The following COL24A1 variants were observed in gnomAD, a reference collection of about 807,000 sequenced individuals.
COL24A1 encodes the protein collagen type XXIV alpha 1 chain.
A neutral mutation model predicts 253.9 loss-of-function variants in COL24A1; 224 were observed. The ratio of observed to expected loss-of-function variants is 0.88; its 90% CI spans 0.79 to 0.99. The LOEUF (loss-of-function observed/expected upper bound fraction) is 0.99. Ranked by LOEUF, COL24A1 falls within the 50% of genes least tolerant of loss-of-function variation. The probability of loss-of-function intolerance (pLI) is 0.00; values close to 1 mark genes in which losing one functional copy is unlikely to be tolerated. For missense variants in COL24A1, 2,131 were observed against 2,068.5 expected (o/e 1.03, Z -0.59); for synonymous variants, 685 against 673.7 (o/e 1.02, Z -0.26).
intron 47 of COL24A1, among the ~76,000 whole-genome samples, chr1:85,804,468 C>T (rs190020075): frequency 1.1e-3 from 160 of 152,200 alleles, no homozygotes; most frequent in Admixed American, 2.3e-3. Flanking sequence ...TGCATTAGTC[C>T]ATTTTCACGC....
chr1:85,949,989 G>C lies in COL24A1; in HGVS notation c.2562+11260C>G, dbSNP rs773048731. On this transcript the variant is annotated intron_variant, in intron 24 of 59. Transcript: ENST00000370571. The stretch of plus-strand genomic sequence containing the variant: ...CTCATGATTCTCAGCCTCTGTACAT[G>C]TTCTGTTACCTAGAGTGATGCCTAA... Among the ~76,000 whole-genome samples the C allele has an allele frequency of 1.9e-4, 29 of 152,138 alleles. 1 individual carries two copies. Among genetic ancestry groups the C allele is most frequent in the Non-Finnish European group, 3.5e-4 (24 of 67,986 alleles).
chr1:85,820,344 C>G (rs1673494944), intron 45 of COL24A1, among the ~76,000 whole-genome samples: 1 of 152,116 alleles, frequency 6.6e-6, no homozygotes, highest in African/African-American at 2.4e-5. Context: ...CTCCAAGTAC[C>G]CTGTATGGTG....
At chr1:86,041,645 C>T (rs1172041704) in intron 12 of COL24A1, among the ~76,000 whole-genome samples, 1 of 152,046 alleles carries the variant, frequency 6.6e-6, no homozygotes, top group Non-Finnish European at 1.5e-5. Context: ...ATCCCCTCTC[C>T]CTGCCTCCCC....
rs1029031426 is a variant in COL24A1, at chr1:85,987,655, C to T, written c.2311-1G>A. The T allele has an allele frequency of 3.7e-6, 6 of 1,606,958 alleles. No homozygotes were observed. Among genetic ancestry groups the T allele is most frequent in the Non-Finnish European group, 5.1e-6 (6 of 1,176,690 alleles). ...GAATCCCAATATCTCCTGGAAAACC[C>T]TAGGGAATATAAAAATGTAGCGTTT... On this transcript the variant is annotated splice_acceptor_variant, in intron 19 of 59. Transcript: ENST00000370571. LOFTEE classifies it high-confidence loss of function.
rs190132321 is a variant in COL24A1 at position 85,844,836 on chromosome 1, G to T, written c.3463-2443C>A. Among the ~76,000 whole-genome samples the T allele has an allele frequency of 2.2e-3, 329 of 151,906 alleles. 8 individuals are homozygous for T. In the South Asian group the frequency reaches 0.051, roughly 24 times the overall value. ...TCTACTGCTAATAAAATAACATTTG[G>T]CTCAGATTGTTTTAATAGCAAGTTT... On this transcript the variant is annotated intron_variant, in intron 39 of 59. Transcript: ENST00000370571.
intron 28 of COL24A1, 31 bp downstream of exon 28, chr1:85,907,163 G>A: frequency 6.3e-7 from 1 of 1,580,324 alleles, no homozygotes; most frequent in African/African-American, 1.3e-5. Flanking sequence ...TTTTGGGGGG[G>A]TTAATGTACT....
chr1:86,141,383 T>C (rs1008751102), intron 2 of COL24A1, among the ~76,000 whole-genome samples: 9 of 152,108 alleles, frequency 5.9e-5, no homozygotes, highest in African/African-American at 1.9e-4. Context: ...CATAGAAGCA[T>C]TGAATCAATC....
chr1:85,840,518 G>A (rs1676489402), intron 42 of COL24A1, among the ~76,000 whole-genome samples: 1 of 152,020 alleles, frequency 6.6e-6, no homozygotes, highest in Non-Finnish European at 1.5e-5. Flanking sequence ...CCTTAAGATT[G>A]TTTTACTCTA....
intron 7 of COL24A1, among the ~76,000 whole-genome samples, chr1:86,077,339 C>T (rs886227346): frequency 3.9e-5 from 6 of 152,174 alleles, no homozygotes; most frequent in African/African-American, 1.4e-4. Flanking sequence ...CAGGAAACAA[C>T]AGATGCTGGA....
chr1:85,795,497 AT>A (rs1209301954), intron 47 of COL24A1, among the ~76,000 whole-genome samples: 1 of 152,174 alleles, frequency 6.6e-6, no homozygotes. Flanking sequence ...AGCTAAAAAT[AT>A]TATATTTAAA....
At chr1:85,985,326 TG>T (rs1178951541) in intron 20 of COL24A1, among the ~76,000 whole-genome samples, 1 of 151,762 alleles carries the variant, frequency 6.6e-6, no homozygotes, top group Non-Finnish European at 1.5e-5. Context: ...TGGCATGGTT[TG>T]GCACTCTAAA....
At chr1:86,025,194 C>T (rs1341475289) in intron 14 of COL24A1, among the ~76,000 whole-genome samples, 1 of 152,104 alleles carries the variant, frequency 6.6e-6, no homozygotes, top group African/African-American at 2.4e-5. Flanking sequence ...ACCTGAAAGT[C>T]CTTCAGCATT....
chr1:85,871,032 C>T (rs774604457), intron 35 of COL24A1, among the ~76,000 whole-genome samples: 18 of 152,136 alleles, frequency 1.2e-4, no homozygotes, highest in Non-Finnish European at 2.5e-4. Context: ...ACCGATCCCA[C>T]AGAAATACAA....
At chr1:85,746,006 G>C (rs1451176375) in intron 55 of COL24A1, among the ~76,000 whole-genome samples, 1 of 151,938 alleles carries the variant, frequency 6.6e-6, no homozygotes. Context: ...TGTACCATGA[G>C]TCCCAAAAGA....
rs1163990306 is a variant in COL24A1 at position 85,968,355 on chromosome 1, A to G, written c.2463+1872T>C. ...CTGTTGTCAATTAAGACATGCTCTT[A>G]TATTTTTTCTTCTTAAAGTGAAACA... On this transcript the variant is annotated intron_variant, in intron 22 of 59. Transcript: ENST00000370571. 3.3e-5 allele frequency among the ~76,000 whole-genome samples: 5 copies of G among 152,128 alleles called. No homozygotes were observed. In the East Asian group the frequency reaches 9.6e-4, roughly 29 times the overall value.
chr1:86,133,337 C>A (rs888646147), intron 2 of COL24A1, among the ~76,000 whole-genome samples: 3 of 152,058 alleles, frequency 2.0e-5, no homozygotes, highest in Non-Finnish European at 4.4e-5. Flanking sequence ...ATTGAATACC[C>A]TTTATTTCCT....
chr1:86,003,038 C>G (rs761198932), intron 19 of COL24A1, among the ~76,000 whole-genome samples: 1 of 152,042 alleles, frequency 6.6e-6, no homozygotes, highest in African/African-American at 2.4e-5. Flanking sequence ...TCCAGAAGAC[C>G]CTTTAGTATT....
intron 37 of COL24A1, among the ~76,000 whole-genome samples, chr1:85,868,256 C>T (rs1238139260): frequency 6.6e-6 from 1 of 152,160 alleles, no homozygotes; most frequent in Non-Finnish European, 1.5e-5. Flanking sequence ...TAATCAAACT[C>T]AGTTTGAGAC....
chr1:85,961,319 A>G (rs940135869), intron 23 of COL24A1, 26 bp from the exon 24 acceptor site: 1 of 1,552,500 alleles, frequency 6.4e-7, no homozygotes. Context: ...ATAAAGTTGC[A>G]AAAACAGTTA....
Sources: allele counts gnomAD v4.1 joint callset (sites outside exome capture counted in the v4.1 genomes callset), GRCh38; gene constraint gnomAD v4.1.1; transcripts MANE v1.5; gene names NCBI Gene and HGNC (gene_info 2026-07-23, HGNC 2026-07-21).